The following ETS1 variants were observed in gnomAD, a reference collection of about 807,000 sequenced individuals.
ETS1 encodes the protein protein C-ets-1.
ETS1 carries 15 observed loss-of-function variants against 58.6 expected under a neutral mutation model. The observed-to-expected ratio is 0.26, with a 90% CI of 0.17 to 0.39. The LOEUF is 0.39. Among genes scored for constraint, ETS1 ranks in the 10% least tolerant of loss-of-function variants. The pLI is 1.00. For missense variants in ETS1, 417 were observed against 610.5 expected (o/e 0.68, Z 3.34); for synonymous variants, 214 against 218.2 (o/e 0.98, Z 0.17).
chr11:128,584,600 T>G (rs1412717889), intron 1 of ETS1, among the ~76,000 whole-genome samples: 1 of 152,026 alleles, frequency 6.6e-6, no homozygotes, highest in African/African-American at 2.4e-5. Context: ...TTAGGTGAAA[T>G]GAAGAAGAAT....
At position 128,560,408 on chromosome 11, in the gene ETS1, C is replaced by A. The variant is rs372929350; in HGVS notation, c.70-3973G>T. Among the ~76,000 whole-genome samples the A allele has an allele frequency of 7.4e-4, 113 of 152,324 alleles. 2 individuals carry two copies. In the South Asian group the frequency reaches 0.022, roughly 30 times the overall value. On this transcript the variant is annotated intron_variant, in intron 2 of 9. Coordinates refer to ENST00000392668, the MANE Select transcript of ETS1 (RefSeq NM_001143820.2). ...GATTACAGGCGTGAGCCACCGCGCC[C>A]GGCCGAGATGGTCACTTTTAATCCT...
intron 8 of ETS1, among the ~76,000 whole-genome samples, chr11:128,471,153 C>T (rs1028289827): frequency 1.1e-4 from 16 of 152,192 alleles, no homozygotes; most frequent in Admixed American, 4.6e-4. Flanking sequence ...CCCAAAGAGA[C>T]GGGTCCCACC....
intron 2 of ETS1, 126 bp from the exon 3 acceptor site, chr11:128,556,561 C>G (rs918003370): frequency 2.4e-5 from 14 of 574,174 alleles, no homozygotes; most frequent in Non-Finnish European, 3.5e-5. Context: ...GATGACAGAA[C>G]AGAGCCAACT....
intron 3 of ETS1, among the ~76,000 whole-genome samples, chr11:128,516,009 C>T (rs1332136177): frequency 1.3e-5 from 2 of 152,168 alleles, no homozygotes; most frequent in South Asian, 2.1e-4. Context: ...ATATTTTGAG[C>T]GTGTCTGTTA....
intron 8 of ETS1, among the ~76,000 whole-genome samples, chr11:128,470,621 A>G (rs949667922): frequency 3.9e-5 from 6 of 152,194 alleles, no homozygotes; most frequent in Non-Finnish European, 7.3e-5. Flanking sequence ...GGAATTACAA[A>G]GAAGAATGAA....
chr11:128,570,180 G>A (rs1430840762), intron 2 of ETS1, among the ~76,000 whole-genome samples: 2 of 150,936 alleles, frequency 1.3e-5, no homozygotes, highest in Non-Finnish European at 3.0e-5. Flanking sequence ...TTTTATCTCA[G>A]TGTCTAAACT....
chr11:128,553,636 CTCAT>C (rs1454206923), intron 3 of ETS1, among the ~76,000 whole-genome samples: 1 of 152,028 alleles, frequency 6.6e-6, no homozygotes, highest in Non-Finnish European at 1.5e-5. Context: ...AAGTCTTTCC[CTCAT>C]TCATACTTTC....
intron 8 of ETS1, 85 bp downstream of exon 8, chr11:128,480,106 T>C: frequency 6.4e-7 from 1 of 1,551,660 alleles, no homozygotes; most frequent in Non-Finnish European, 8.7e-7. Flanking sequence ...TCGTCGTCTC[T>C]GGTCAGAGGT....
chr11:128,490,573 A>T lies in ETS1; in HGVS notation c.218T>A (p.Met73Lys). Residue 73 changes from methionine to lysine, a missense_variant, in exon 4 of 10, where the codon ATG (methionine) becomes AAG (lysine). By Grantham distance (95) the Met-to-Lys change is moderately conservative. Coordinates refer to ENST00000392668, the MANE Select transcript of ETS1 (RefSeq NM_001143820.2). Reference sequence around the variant, plus strand: ...TAATAGTGGGACATCTGCACATTCCATATCTGCATGAAAAAATTGCATATG... The same window carrying T: ...TAATAGTGGGACATCTGCACATTCCTTATCTGCATGAAAAAATTGCATATG... Reference protein sequence around the residue: ...PTGLEHCVSDMECADVPLLTP... With the variant: ...PTGLEHCVSDKECADVPLLTP... The T allele has an allele frequency of 6.2e-7, 1 of 1,610,176 alleles. No individual in the cohort carries two copies. The highest frequency in any genetic ancestry group is 8.5e-7 in the Non-Finnish European group (1 of 1,176,756).
intron 2 of ETS1, among the ~76,000 whole-genome samples, chr11:128,558,373 G>A (rs1049506139): frequency 1.9e-4 from 29 of 152,284 alleles, no homozygotes; most frequent in African/African-American, 6.7e-4. Context: ...GGCCGGGCGC[G>A]GTGGCTCACG....
chr11:128,531,276 A>C (rs1863893162), intron 3 of ETS1, among the ~76,000 whole-genome samples: 1 of 152,184 alleles, frequency 6.6e-6, no homozygotes, highest in African/African-American at 2.4e-5. Flanking sequence ...GGAGATGCGG[A>C]AAGTGCCTAG....
In ETS1 at chr11:128,561,455, C is replaced by A. The variant is rs117332410; in HGVS notation, c.70-5020G>T. On this transcript the variant is annotated intron_variant, in intron 2 of 9. Coordinates refer to ENST00000392668, the MANE Select transcript of ETS1 (RefSeq NM_001143820.2). Reference sequence around the variant, plus strand: ...TTTCATAATAATGTTTGCATTAATTCTGATTTTTCAAAGATATTACATTAA... The same window carrying A: ...TTTCATAATAATGTTTGCATTAATTATGATTTTTCAAAGATATTACATTAA... Among the ~76,000 whole-genome samples, 735 of 152,304 alleles carry A rather than the reference C, an allele frequency of 4.8e-3. 5 individuals are homozygous for A. Among genetic ancestry groups the A allele is most frequent in the Non-Finnish European group, 8.3e-3 (563 of 68,018 alleles).
intron 3 of ETS1, among the ~76,000 whole-genome samples, chr11:128,491,538 T>C (rs975996939): frequency 6.6e-6 from 1 of 152,166 alleles, no homozygotes; most frequent in African/African-American, 2.4e-5. Context: ...AAAAGAATAC[T>C]CCAGATCAGT....
chr11:128,534,895 A>G (rs1220910594), intron 3 of ETS1, among the ~76,000 whole-genome samples: 1 of 152,176 alleles, frequency 6.6e-6, no homozygotes, highest in Non-Finnish European at 1.5e-5. Flanking sequence ...ATACGCGTGC[A>G]TGTTATCTTT....
chr11:128,480,509 A>G (rs1315146886), intron 7 of ETS1, 58 bp from the exon 8 acceptor site: 2 of 1,181,758 alleles, frequency 1.7e-6, no homozygotes. Flanking sequence ...GGGAAAAAAA[A>G]AAAACTGTAA....
intron 3 of ETS1, among the ~76,000 whole-genome samples, chr11:128,521,424 G>A (rs1863665208): frequency 6.6e-6 from 1 of 152,124 alleles, no homozygotes; most frequent in Admixed American, 6.5e-5. Flanking sequence ...CATGTGACAG[G>A]GACGCTTGGG....
chr11:128,504,311 T>C (rs2135487179), intron 3 of ETS1, among the ~76,000 whole-genome samples: 1 of 152,352 alleles, frequency 6.6e-6, no homozygotes, highest in African/African-American at 2.4e-5. Context: ...TCCTGGTGTG[T>C]TCACACATTT....
At chr11:128,486,240 A>C (rs1490914944) in intron 5 of ETS1, 94 bp from the exon 6 acceptor site, 2 of 758,960 alleles carry the variant, frequency 2.6e-6, no homozygotes, top group African/African-American at 3.5e-5. Flanking sequence ...CAATGATCTC[A>C]ACCCCTTTTC....
chr11:128,493,443 C>T (rs1862855040), intron 3 of ETS1, among the ~76,000 whole-genome samples: 1 of 152,230 alleles, frequency 6.6e-6, no homozygotes, highest in Admixed American at 6.5e-5. Flanking sequence ...CACCTCAATG[C>T]CATCTCCACA....
Sources: gnomAD v4.1 joint callset for allele counts (sites outside exome capture counted in the v4.1 genomes callset) on GRCh38, gnomAD v4.1.1 for gene constraint, MANE v1.5 for transcripts, NCBI Gene and HGNC (gene_info 2026-07-23, HGNC 2026-07-21) for gene names.